The following TRIM33 variants were observed in gnomAD, a reference collection of about 807,000 sequenced individuals.
TRIM33 encodes E3 ubiquitin-protein ligase TRIM33.
In TRIM33, 20 loss-of-function variants were observed where a neutral mutation model predicts 125.4. The ratio of observed to expected loss-of-function variants is 0.16; its 90% CI spans 0.11 to 0.23. The LOEUF (loss-of-function observed/expected upper bound fraction) is 0.23. Among genes scored for constraint, TRIM33 ranks in the 10% least tolerant of loss-of-function variants. The pLI is 1.00. For missense variants in TRIM33, 920 were observed against 1,411.4 expected, an observed-to-expected ratio of 0.65 and a Z score of 5.58; for synonymous variants, 564 against 513.9, an observed-to-expected ratio of 1.10 and a Z score of -1.32.
chr1:114,477,274 GCAAA>G (rs1651031628), intron 1 of TRIM33, among the ~76,000 whole-genome samples: 3 of 150,718 alleles, frequency 2.0e-5, no homozygotes, highest in Non-Finnish European at 4.4e-5. Flanking sequence ...AAAAAGAGAA[GCAAA>G]CAACCTAAAT....
At chr1:114,454,689 A>T (rs976721227) in intron 4 of TRIM33, among the ~76,000 whole-genome samples, 5 of 151,818 alleles carry the variant, frequency 3.3e-5, no homozygotes, top group African/African-American at 1.2e-4. Context: ...AAAAAAAAAA[A>T]AGTTAATGAA....
intron 4 of TRIM33, among the ~76,000 whole-genome samples, chr1:114,436,359 A>T (rs543932818): frequency 7.0e-6 from 1 of 142,000 alleles, no homozygotes; most frequent in African/African-American, 2.6e-5. Context: ...CCAAGATCAC[A>T]CTACTGCACT....
chr1:114,411,542 C>G (rs1021141910), intron 11 of TRIM33, among the ~76,000 whole-genome samples: 13 of 151,904 alleles, frequency 8.6e-5, no homozygotes, highest in African/African-American at 2.9e-4. Context: ...TAATATGGGC[C>G]AGAGATGAAA....
chr1:114,405,198 G>A, intron 15 of TRIM33: 1 of 487,008 alleles, frequency 2.1e-6, no homozygotes, highest in East Asian at 3.3e-5. Context: ...AAGGCCAGGA[G>A]ATGAAATCTA....
chr1:114,505,954 G>C (rs1016040301), intron 1 of TRIM33, among the ~76,000 whole-genome samples: 1 of 152,298 alleles, frequency 6.6e-6, no homozygotes, highest in East Asian at 1.9e-4. Flanking sequence ...GACATTAAAC[G>C]TATGTACATA....
At chr1:114,470,941 G>A (rs574055143) in intron 1 of TRIM33, among the ~76,000 whole-genome samples, 11 of 152,182 alleles carry the variant, frequency 7.2e-5, no homozygotes, top group Non-Finnish European at 1.5e-5. Context: ...GGGGACCACA[G>A]GCTCATGCCA....
At chr1:114,466,590 CG>C (rs1650315707) in intron 1 of TRIM33, among the ~76,000 whole-genome samples, 1 of 152,104 alleles carries the variant, frequency 6.6e-6, no homozygotes, top group East Asian at 1.9e-4. Context: ...GTGGGGGCTG[CG>C]TGGCAATGAG....
At chr1:114,469,741 G>T (rs575807962) in intron 1 of TRIM33, among the ~76,000 whole-genome samples, 9 of 152,256 alleles carry the variant, frequency 5.9e-5, no homozygotes, top group African/African-American at 2.2e-4. Flanking sequence ...TGAGCGTGGG[G>T]AACTGAAGAT....
chr1:114,413,301 G>C (rs930931801), intron 11 of TRIM33, among the ~76,000 whole-genome samples: 4 of 152,120 alleles, frequency 2.6e-5, no homozygotes, highest in Non-Finnish European at 5.9e-5. Context: ...GCTCACGCCT[G>C]TAATCCCAGC....
At chr1:114,501,857 T>G (rs1221914945) in intron 1 of TRIM33, among the ~76,000 whole-genome samples, 1 of 152,244 alleles carries the variant, frequency 6.6e-6, no homozygotes, top group Non-Finnish European at 1.5e-5. Context: ...TACCATATAG[T>G]GCATGCTATT....
intron 1 of TRIM33, among the ~76,000 whole-genome samples, chr1:114,492,659 TG>T (rs1570662562): frequency 1.3e-5 from 2 of 152,346 alleles, no homozygotes; most frequent in East Asian, 3.9e-4. Flanking sequence ...GGACATTTCA[TG>T]TAAGTATAAT....
At chr1:114,442,261 C>T (rs1296437110) in intron 4 of TRIM33, among the ~76,000 whole-genome samples, 1 of 152,116 alleles carries the variant, frequency 6.6e-6, no homozygotes, top group Non-Finnish European at 1.5e-5. Flanking sequence ...AAAAATTATG[C>T]TTGGATAGGA....
At chr1:114,459,412 T>G (rs1649818274) in intron 4 of TRIM33, among the ~76,000 whole-genome samples, 1 of 152,202 alleles carries the variant, frequency 6.6e-6, no homozygotes, top group Non-Finnish European at 1.5e-5. Context: ...GTGGAAACTC[T>G]GTACCCCTTC....
At chr1:114,483,775 T>C (rs995632156) in intron 1 of TRIM33, among the ~76,000 whole-genome samples, 33 of 152,054 alleles carry the variant, frequency 2.2e-4, no homozygotes, top group African/African-American at 7.7e-4. Context: ...ACAAACTCTT[T>C]AGAAAATAGA....
chr1:114,506,446 C>A (rs1190374187), intron 1 of TRIM33, among the ~76,000 whole-genome samples: 1 of 151,420 alleles, frequency 6.6e-6, no homozygotes, highest in African/African-American at 2.4e-5. Context: ...TTTCTTCAGC[C>A]ACATCATTGT....
At chr1:114,476,090 T>G (rs954111587) in intron 1 of TRIM33, among the ~76,000 whole-genome samples, 3 of 151,822 alleles carry the variant, frequency 2.0e-5, no homozygotes, top group Non-Finnish European at 2.9e-5. Context: ...AACCAAAACA[T>G]AAAAGAATGG....
At chr1:114,499,763 A>G (rs1281056219) in intron 1 of TRIM33, among the ~76,000 whole-genome samples, 2 of 152,238 alleles carry the variant, frequency 1.3e-5, no homozygotes, top group African/African-American at 2.4e-5. Flanking sequence ...GGAGGACACC[A>G]CCCACAACAA....
intron 1 of TRIM33, among the ~76,000 whole-genome samples, chr1:114,476,238 A>T (rs547051462): frequency 6.6e-6 from 1 of 151,964 alleles, no homozygotes; most frequent in African/African-American, 2.4e-5. Context: ...AAAACCTTTC[A>T]ATTAAAAAGA....
intron 4 of TRIM33, among the ~76,000 whole-genome samples, chr1:114,444,670 C>T (rs1426556069): frequency 1.3e-5 from 2 of 152,184 alleles, no homozygotes; most frequent in Non-Finnish European, 2.9e-5. Flanking sequence ...ACCAAGCATA[C>T]ACAAGCTTAC....
Sources: gnomAD v4.1 joint callset for allele counts (sites outside exome capture counted in the v4.1 genomes callset) on GRCh38, gnomAD v4.1.1 for gene constraint, MANE v1.5 for transcripts, NCBI Gene and HGNC (gene_info 2026-07-23, HGNC 2026-07-21) for gene names.